The following EYS variants were observed in gnomAD, a reference collection of about 807,000 sequenced individuals.
EYS encodes the protein protein eyes shut homolog.
Under a neutral mutation model 282.1 loss-of-function variants are expected in EYS, and 250 were observed. The observed-to-expected ratio is 0.89, with a 90% CI of 0.80 to 0.98. The LOEUF (loss-of-function observed/expected upper bound fraction) is 0.98. EYS is among the 50% of genes least tolerant of loss of function. EYS has a pLI of 0.00. For missense variants in EYS, 4,016 were observed against 3,709.0 expected, an observed-to-expected ratio of 1.08 and a Z score of -2.15; for synonymous variants, 1,355 against 1,282.9, an observed-to-expected ratio of 1.06 and a Z score of -1.20.
intron 2 of EYS, among the ~76,000 whole-genome samples, chr6:65,498,738 T>C (rs4710523): frequency 0.097 from 14,743 of 152,036 alleles, 941 homozygotes; most frequent in South Asian, 0.19. Flanking sequence ...CTTTGGATTT[T>C]ATTGGGAACT....
chr6:65,549,029 G>C lies in EYS; in HGVS notation c.-332-53036C>G, dbSNP rs567069581. Among the ~76,000 whole-genome samples, 19 of 152,164 alleles carry C rather than the reference G, an allele frequency of 1.2e-4. No homozygotes were observed. The East Asian group carries it at 3.5e-3, about 28-fold the overall frequency. ...TCCCTCACATGCGCAGTTCAAATAGGGTTTGAGCACCAGTGAGGCTCTAAT... is the reference window on the plus strand; with the variant it reads ...TCCCTCACATGCGCAGTTCAAATAGCGTTTGAGCACCAGTGAGGCTCTAAT... On this transcript the variant is annotated intron_variant, in intron 2 of 42. Coordinates refer to ENST00000503581, the MANE Select transcript of EYS (RefSeq NM_001142800.2).
At chr6:65,425,103 T>C (rs182964806) in intron 5 of EYS, among the ~76,000 whole-genome samples, 5 of 152,248 alleles carry the variant, frequency 3.3e-5, no homozygotes, top group Non-Finnish European at 7.4e-5. Flanking sequence ...CCTTTAGCTG[T>C]ATAAATGTAT....
Position 65,490,679 on chromosome 6 carries a change from C to T in EYS, c.777G>A (p.Gln259=), listed in dbSNP as rs78079047. Residue 259 remains glutamine, a synonymous_variant, in exon 5 of 43, where the codon CAG becomes CAA. Transcript: ENST00000503581. ...TGKNCSEIIG[Q]CQPHVCFHGN... is the part of the protein sequence containing the mutation. ...CATGGAAACAGACATGTGGTTGACA[C>T]TGGCCAATTATTTCTGAGCAATTCT... The T allele has an allele frequency of 2.0e-3, 3,239 of 1,612,266 alleles. 56 individuals are homozygous for T. The African/African-American group carries it at 0.038, about 19-fold the overall frequency.
At chr6:65,043,310 ATAAC>A (rs1772995366) in intron 13 of EYS, among the ~76,000 whole-genome samples, 1 of 151,590 alleles carries the variant, frequency 6.6e-6, no homozygotes, top group Non-Finnish European at 1.5e-5. Flanking sequence ...TATAAATAAC[ATAAC>A]TAAGTGTAAT....
At chr6:64,190,810 A>G (rs1765080474) in intron 31 of EYS, among the ~76,000 whole-genome samples, 1 of 152,184 alleles carries the variant, frequency 6.6e-6, no homozygotes, top group Non-Finnish European at 1.5e-5. Flanking sequence ...CCTTCATGAA[A>G]GAGTTTATGT....
intron 36 of EYS, among the ~76,000 whole-genome samples, chr6:63,838,198 C>T (rs1032309224): frequency 6.6e-6 from 1 of 151,646 alleles, no homozygotes; most frequent in Non-Finnish European, 1.5e-5. Context: ...GTGATACTTG[C>T]TTCCAACTGT....
chr6:64,031,784 T>A (rs1769855744), intron 33 of EYS, among the ~76,000 whole-genome samples: 1 of 152,104 alleles, frequency 6.6e-6, no homozygotes, highest in Non-Finnish European at 1.5e-5. Context: ...GTGGAGAACA[T>A]CTGTGTCTAG....
At chr6:65,318,255 C>A (rs2150303503) in intron 11 of EYS, among the ~76,000 whole-genome samples, 1 of 151,940 alleles carries the variant, frequency 6.6e-6, no homozygotes, top group Middle Eastern at 3.4e-3. Context: ...TTCCCCTTCT[C>A]ACTCCTCTTT....
At chr6:64,758,139 TTGAG>T (rs1277052822) in intron 22 of EYS, among the ~76,000 whole-genome samples, 1 of 152,126 alleles carries the variant, frequency 6.6e-6, no homozygotes, top group East Asian at 1.9e-4. Context: ...GAGTTATTTG[TTGAG>T]TGTCAGTCTT....
intron 30 of EYS, among the ~76,000 whole-genome samples, chr6:64,242,988 A>G (rs911706568): frequency 5.4e-5 from 8 of 146,790 alleles, no homozygotes; most frequent in Admixed American, 2.0e-4. Flanking sequence ...ATAAATATTG[A>G]TATAAACTAA....
chr6:64,571,299 C>T (rs1765718156), intron 26 of EYS, among the ~76,000 whole-genome samples: 1 of 152,086 alleles, frequency 6.6e-6, no homozygotes, highest in Non-Finnish European at 1.5e-5. Flanking sequence ...GAAATTTATA[C>T]CACTAAATGG....
intron 12 of EYS, among the ~76,000 whole-genome samples, chr6:65,148,076 A>G (rs1240386026): frequency 6.6e-6 from 1 of 152,056 alleles, no homozygotes; most frequent in African/African-American, 2.4e-5. Context: ...GCGCATAGGC[A>G]AACCATGTCA....
intron 1 of EYS, among the ~76,000 whole-genome samples, chr6:65,666,809 T>G (rs1055799467): frequency 1.3e-5 from 2 of 151,352 alleles, no homozygotes; most frequent in Non-Finnish European, 3.0e-5. Context: ...GTTCTTTATC[T>G]GTTATTTGTA....
chr6:64,532,621 AAG>A (rs1764386163), intron 26 of EYS, among the ~76,000 whole-genome samples: 1 of 152,094 alleles, frequency 6.6e-6, no homozygotes, highest in African/African-American at 2.4e-5. Context: ...AGGCAGGAGA[AAG>A]GCGTGAACCC....
At chr6:64,969,612 G>A (rs1183460589) in intron 14 of EYS, among the ~76,000 whole-genome samples, 1 of 152,084 alleles carries the variant, frequency 6.6e-6, no homozygotes, top group Admixed American at 6.6e-5. Context: ...CACTAGGACT[G>A]TAGAAGAAGC....
At chr6:65,315,694 C>A (rs1460622232) in intron 11 of EYS, among the ~76,000 whole-genome samples, 3 of 145,658 alleles carry the variant, frequency 2.1e-5, no homozygotes, top group African/African-American at 7.7e-5. Flanking sequence ...TCTAGTTTTT[C>A]ATTTTTATAA....
intron 40 of EYS, among the ~76,000 whole-genome samples, chr6:63,770,997 A>G (rs1213623385): frequency 6.6e-6 from 1 of 152,140 alleles, no homozygotes; most frequent in Non-Finnish European, 1.5e-5. Context: ...GAAGGATGAG[A>G]TGAAATGACT....
At chr6:65,668,614 A>C (rs1768278310) in intron 1 of EYS, among the ~76,000 whole-genome samples, 1 of 151,904 alleles carries the variant, frequency 6.6e-6, no homozygotes, top group Non-Finnish European at 1.5e-5. Flanking sequence ...TGTTTTACAG[A>C]GATTAAAAAC....
At chr6:65,047,110 T>A (rs1773127363) in intron 13 of EYS, among the ~76,000 whole-genome samples, 1 of 151,588 alleles carries the variant, frequency 6.6e-6, no homozygotes, top group Admixed American at 6.6e-5. Flanking sequence ...TTTTTTTTTT[T>A]ATAAACTACC....
Sources: gnomAD v4.1 joint callset for allele counts (sites outside exome capture counted in the v4.1 genomes callset) on GRCh38, gnomAD v4.1.1 for gene constraint, MANE v1.5 for transcripts, NCBI Gene and HGNC (gene_info 2026-07-23, HGNC 2026-07-21) for gene names.